DONSON: variants seen among roughly 807,000 people sequenced by gnomAD.
DONSON encodes the protein DNA replication fork stabilization factor DONSON.
Under a neutral mutation model 62.1 loss-of-function variants are expected in DONSON, and 43 were observed. The observed-to-expected ratio is 0.69, with a 90% CI of 0.54 to 0.89. The LOEUF (loss-of-function observed/expected upper bound fraction) is 0.89, where lower values mean the gene tolerates loss of function less well. DONSON is among the 40% of genes least tolerant of loss of function. The pLI, the probability that DONSON is intolerant of heterozygous loss-of-function variation, is 0.00. For missense variants in DONSON, 696 were observed against 697.5 expected (o/e 1.00, Z 0.03); for synonymous variants, 266 against 264.6 (o/e 1.01, Z -0.05).
In DONSON at chr21:33,588,604, C is replaced by T. The variant is rs2086610549; in HGVS notation, c.38G>A (p.Arg13Gln). The T allele has an allele frequency of 1.6e-5, 20 of 1,248,526 alleles. No individual in the cohort carries two copies. In the Admixed American group the frequency reaches 2.4e-4, roughly 15 times the overall value. 77.3% of individuals were successfully genotyped at this position (1,248,526 alleles called of 1,614,324 possible). ...LSVPGYSPGFRKPPEVVRLRR... is the reference protein window; with the variant it reads ...LSVPGYSPGFQKPPEVVRLRR... ...GAGCCGCACTACCTCGGGCGGCTTT[C>T]GGAAGCCCGGTGAGTAGCCGGGCAC... is the stretch of plus-strand genomic sequence containing the variant. The change falls in exon 1 of 10, where the codon CGA becomes CAA. Residue 13 changes from arginine to glutamine, a missense_variant. Transcript: ENST00000303071.
In DONSON at chr21:33,581,972, G is replaced by C; in HGVS notation, c.1130C>G (p.Pro377Arg). 6.2e-7 allele frequency: 1 copy of C among 1,614,082 alleles called. No individual in the cohort carries two copies. Among genetic ancestry groups the C allele is most frequent in the Non-Finnish European group, 8.5e-7 (1 of 1,179,968 alleles). Residue 377 changes from proline to arginine, a missense_variant, in exon 7 of 10, where the codon CCA becomes CGA. By Grantham distance (103) the Pro-to-Arg change is moderately radical. Coordinates refer to ENST00000303071, the MANE Select transcript of DONSON (RefSeq NM_017613.4). ...ATACAGCTTGATAGAAAGTATGTCT[G>C]GCTTTTTAATTTTATCTTGCACACC... ...EMGVQDKIKK[P>R]DILSIKLRKE...
At chr21:33,580,809 G>C (rs4817582) in intron 8 of DONSON, among the ~76,000 whole-genome samples, 1 of 151,906 alleles carries the variant, frequency 6.6e-6, no homozygotes, top group Admixed American at 6.6e-5. Context: ...TTGAACCCCA[G>C]AGTTGGAGGC....
At position 33,583,200 on chromosome 21, in the gene DONSON, CAAAAAAAAAAAAAAAAAA is replaced by C. The variant is rs552034893; in HGVS notation, c.964+270_964+287del. ...TGGGTGACAGAGCGAGTCTCCATCT[CAAAAAAAAAAAAAAAAAA>C]AAAAAAAGAATGATCATCTGATGTG... On this transcript the variant is annotated intron_variant, in intron 5 of 9. Transcript: ENST00000303071. 3.4e-5 allele frequency among the ~76,000 whole-genome samples: 2 copies of C among 58,924 alleles called. 1 individual carries two copies. The highest frequency in any genetic ancestry group is 5.9e-5 in the Non-Finnish European group (2 of 33,644). The allele number at this position is 58,924 out of a possible 152,430, so 38.7% of individuals were successfully genotyped here.
intron 8 of DONSON, 124 bp downstream of exon 8, chr21:33,581,178 G>T: frequency 2.3e-6 from 2 of 854,980 alleles, no homozygotes; most frequent in Admixed American, 3.0e-5. Flanking sequence ...TTTTTTTAAT[G>T]GGAGGAAAGC....
intron 1 of DONSON, 143 bp downstream of exon 1, chr21:33,588,178 G>C: frequency 1.6e-6 from 1 of 623,038 alleles, no homozygotes; most frequent in Non-Finnish European, 2.3e-6. Context: ...CTCCCAGGGC[G>C]GGGTACCCTA....
rs1276992081 is a variant in DONSON, at chr21:33,582,071, A to T, written c.1047-16T>A. 4 of 1,613,592 alleles carry T rather than the reference A, an allele frequency of 2.5e-6. No homozygotes were observed. The South Asian group carries it at 4.4e-5, about 18-fold the overall frequency. On this transcript the variant is annotated splice_polypyrimidine_tract_variant and intron_variant, in intron 6 of 9. Coordinates refer to ENST00000303071, the MANE Select transcript of DONSON (RefSeq NM_017613.4). ...GGCTTGCTCCCTAGGAAATTGCTAC[A>T]GTTAGAGTCCCTATTTCACAAGCTG...
intron 1 of DONSON, 99 bp from the exon 2 acceptor site, chr21:33,587,701 G>GC (rs768367004): frequency 3.6e-4 from 264 of 741,376 alleles, no homozygotes; most frequent in Non-Finnish European, 5.3e-4. Context: ...CTCAATAAAC[G>GC]CAAGTACACC....
rs1232378827 is a variant in DONSON, at chr21:33,578,149, A to C, written c.*158T>G. 2 of 730,094 alleles carry C rather than the reference A, an allele frequency of 2.7e-6. No homozygotes were observed. The highest frequency in any genetic ancestry group is 5.7e-5 in the East Asian group (2 of 34,938). The allele number at this position is 730,094 out of a possible 1,614,324, so 45.2% of individuals were successfully genotyped here. ...TTTCATCTTTATATCTAAAAATCTA[A>C]TCTGAAAATAGTAAAACACATTTAA... On this transcript the variant is annotated 3_prime_UTR_variant, in exon 10 of 10. Coordinates refer to ENST00000303071, the MANE Select transcript of DONSON (RefSeq NM_017613.4).
Position 33,584,675 on chromosome 21 carries a change from G to C in DONSON, c.700C>G (p.Arg234Gly), listed in dbSNP as rs202191803. The C allele has an allele frequency of 6.2e-7, 1 of 1,613,202 alleles. No individual in the cohort carries two copies. The part of the protein sequence containing the change: ...PALSWLPLFP[R>G]IGADRKMAGK... ...GCCATTTTTCTATCAGCTCCAATAC[G>C]AGGGAACAGTGGTAGCCAAGACAAA... The change falls in exon 4 of 10, where the codon CGT becomes GGT. Residue 234 changes from arginine to glycine, a missense_variant. Coordinates refer to ENST00000303071, the MANE Select transcript of DONSON (RefSeq NM_017613.4).
chr21:33,579,549 T>G lies in DONSON; in HGVS notation c.1364A>C (p.Asn455Thr). Residue 455 changes from asparagine to threonine, a missense_variant, in exon 9 of 10, where the codon AAT (asparagine) becomes ACT (threonine). Coordinates refer to ENST00000303071, the MANE Select transcript of DONSON (RefSeq NM_017613.4). ...TMQMLKARSV[N>T]VKTQALSGYR... Reference sequence around the variant, plus strand: ...TCCAGAAAGAGCTTGTGTCTTCACATTCACACTCCGTGCCTTCATGAAAAT... The same window carrying G: ...TCCAGAAAGAGCTTGTGTCTTCACAGTCACACTCCGTGCCTTCATGAAAAT... 6.2e-7 allele frequency: 1 copy of G among 1,614,028 alleles called. No homozygotes were observed. The highest frequency in any genetic ancestry group is 8.5e-7 in the Non-Finnish European group (1 of 1,179,922).
intron 8 of DONSON, chr21:33,581,025 G>A: frequency 3.8e-6 from 1 of 261,100 alleles, no homozygotes; most frequent in Non-Finnish European, 7.4e-6. Flanking sequence ...GTTGCAGTGA[G>A]TTGAGATCAC....
At chr21:33,581,075 T>C (rs2086503566) in intron 8 of DONSON, 1 of 407,114 alleles carries the variant, frequency 2.5e-6, no homozygotes, top group Admixed American at 3.6e-5. Flanking sequence ...AGCGCAAGAC[T>C]CCATCTCGAA....
rs143964146 is a variant in DONSON, at chr21:33,578,925, T to G, written c.1563+425A>C. 5.6e-3 allele frequency among the ~76,000 whole-genome samples: 847 copies of G among 152,224 alleles called. 11 individuals carry two copies. Among genetic ancestry groups the G allele is most frequent in the African/African-American group, 0.02 (817 of 41,532 alleles). On this transcript the variant is annotated intron_variant, in intron 9 of 9. Coordinates refer to ENST00000303071, the MANE Select transcript of DONSON (RefSeq NM_017613.4). ...GCCAAGGTGGGCAGATCACCTGAAG[T>G]CAGGAGTTCAAGACCAGCCTGGCCA...
In DONSON at chr21:33,584,574, C is replaced by A. The variant is rs1365421582; in HGVS notation, c.785+16G>T. On this transcript the variant is annotated intron_variant, in intron 4 of 9. Transcript: ENST00000303071. ...ATTCACTATTGAATTATACAAGTTT[C>A]TCTTACTAATCTTACCAGTCACTCA... is the stretch of plus-strand genomic sequence containing the variant. 1 of 1,565,594 alleles carries A rather than the reference C, an allele frequency of 6.4e-7. No homozygotes were observed. The highest frequency in any genetic ancestry group is 2.3e-5 in the East Asian group (1 of 43,962).
chr21:33,588,241 G>A, intron 1 of DONSON, 80 bp downstream of exon 1: 3 of 1,101,634 alleles, frequency 2.7e-6, no homozygotes, highest in Non-Finnish European at 3.4e-6. Context: ...CGAACGCGAG[G>A]ACTTTCCATC....
In DONSON at chr21:33,588,676, C is replaced by A. The variant is rs1156909561; in HGVS notation, c.-35G>T. 21 of 1,224,382 alleles carry A rather than the reference C, an allele frequency of 1.7e-5. No individual in the cohort carries two copies. Among genetic ancestry groups the A allele is most frequent in the Non-Finnish European group, 2.0e-5 (20 of 982,902 alleles). The allele number at this position is 1,224,382 out of a possible 1,614,324, so 75.8% of individuals were successfully genotyped here. On this transcript the variant is annotated 5_prime_UTR_variant, in exon 1 of 10. Coordinates refer to ENST00000303071, the MANE Select transcript of DONSON (RefSeq NM_017613.4). ...CGGCTGAGGGTAGCCGGCCGCCCTA[C>A]AGAGACTTCCCGCGCGCGCCGGGCC...
chr21:33,579,475 A>G lies in DONSON; in HGVS notation c.1438T>C (p.Ser480Pro). The G allele has an allele frequency of 6.2e-7, 1 of 1,614,226 alleles. No individual in the cohort carries two copies. The highest frequency in any genetic ancestry group is 8.5e-7 in the Non-Finnish European group (1 of 1,180,030). The change falls in exon 9 of 10, where the codon TCT becomes CCT. Residue 480 changes from serine to proline, a missense_variant. Ser to Pro is a moderately conservative substitution (Grantham distance 74, BLOSUM62 -1). Transcript: ENST00000303071. ...LEITGPIMPH[S>P]LHSLTMLLKS... is the part of the protein sequence containing the mutation. ...AGCAGCATGGTCAGTGAATGCAGAGAATGAGGCATGATAGGACCTGTAATC... is the reference window on the plus strand; with the variant it reads ...AGCAGCATGGTCAGTGAATGCAGAGGATGAGGCATGATAGGACCTGTAATC...
chr21:33,587,607 G>C lies in DONSON; in HGVS notation c.322-5C>G. Reference sequence around the variant, plus strand: ...TTCTTGATTAGAATCTAAAAACTGAGGTTAAATATATTCTCCTTTAAAATT... The same window carrying C: ...TTCTTGATTAGAATCTAAAAACTGACGTTAAATATATTCTCCTTTAAAATT... On this transcript the variant is annotated splice_polypyrimidine_tract_variant and splice_region_variant and intron_variant, in intron 1 of 9. Coordinates refer to ENST00000303071, the MANE Select transcript of DONSON (RefSeq NM_017613.4). 6.4e-7 allele frequency: 1 copy of C among 1,568,194 alleles called. No homozygotes were observed. The highest frequency in any genetic ancestry group is 8.6e-7 in the Non-Finnish European group (1 of 1,156,278).
intron 8 of DONSON, among the ~76,000 whole-genome samples, chr21:33,580,536 CGA>C (rs1479497834): frequency 1.6e-5 from 2 of 127,280 alleles, no homozygotes; most frequent in African/African-American, 5.9e-5. Context: ...GTCCGATACT[CGA>C]GAGGCTGAGG....
Sources: gnomAD v4.1 joint callset for allele counts (sites outside exome capture counted in the v4.1 genomes callset) on GRCh38, gnomAD v4.1.1 for gene constraint, MANE v1.5 for transcripts, NCBI Gene and HGNC (gene_info 2026-07-23, HGNC 2026-07-21) for gene names.